The following ADAM28 variants were observed in gnomAD, a reference collection of about 807,000 sequenced individuals.
ADAM28 encodes disintegrin and metalloproteinase domain-containing protein 28.
ADAM28 carries 105 observed loss-of-function variants against 101.2 expected under a neutral mutation model. That is an observed-to-expected ratio of 1.04 (90% CI 0.89 to 1.22). The LOEUF (loss-of-function observed/expected upper bound fraction) is 1.22, where lower values mean the gene tolerates loss of function less well. ADAM28 is among the 50% of genes most tolerant of loss of function. The pLI is 0.00. For missense variants in ADAM28, 1,028 were observed against 945.4 expected, an observed-to-expected ratio of 1.09 and a Z score of -1.15; for synonymous variants, 322 against 310.6, an observed-to-expected ratio of 1.04 and a Z score of -0.39.
intron 5 of ADAM28, among the ~76,000 whole-genome samples, chr8:24,312,068 C>G (rs1295443086): frequency 6.6e-6 from 1 of 152,118 alleles, no homozygotes; most frequent in African/African-American, 2.4e-5. Flanking sequence ...CTCACTCGCT[C>G]TCTCTCTAGA....
rs904541995 is a variant in ADAM28 at position 24,355,233 on chromosome 8, G to A, written c.*829G>A. 2.0e-5 allele frequency: 3 copies of A among 152,272 alleles called. No individual in the cohort carries two copies. The highest frequency in any genetic ancestry group is 2.9e-5 in the Non-Finnish European group (2 of 67,984). The allele number at this position is 152,272 out of a possible 1,614,324, so 9.4% of individuals were successfully genotyped here. On this transcript the variant is annotated 3_prime_UTR_variant, in exon 23 of 23. Coordinates refer to ENST00000265769, the MANE Select transcript of ADAM28 (RefSeq NM_014265.6). ...GTCAGATGTAATCTAAAAGTAATCC[G>A]ATGCTTTGTCAACAACAGACTTACA... is the stretch of plus-strand genomic sequence containing the variant.
intron 8 of ADAM28, among the ~76,000 whole-genome samples, chr8:24,322,277 A>G (rs1309688494): frequency 6.6e-6 from 1 of 151,842 alleles, no homozygotes; most frequent in Non-Finnish European, 1.5e-5. Context: ...GAGATTGTTC[A>G]TTTATATAGC....
intron 6 of ADAM28, among the ~76,000 whole-genome samples, chr8:24,318,149 C>A (rs1811407600): frequency 1.3e-5 from 2 of 151,960 alleles, no homozygotes; most frequent in Admixed American, 1.3e-4. Flanking sequence ...AGTTGGCCAC[C>A]TTTGATTGGC....
chr8:24,308,604 G>T, intron 2 of ADAM28: 1 of 456,160 alleles, frequency 2.2e-6, no homozygotes, highest in Non-Finnish European at 4.4e-6. Flanking sequence ...TGACTATTCT[G>T]CATAACTTTT....
chr8:24,323,452 T>C (rs1812140132), intron 8 of ADAM28, among the ~76,000 whole-genome samples: 1 of 151,978 alleles, frequency 6.6e-6, no homozygotes, highest in African/African-American at 2.4e-5. Flanking sequence ...TTGCTAATTC[T>C]GAAATATTCT....
rs1815878735 is a variant in ADAM28, at chr8:24,349,972, G to A, written c.2099G>A (p.Arg700Lys). 1.9e-6 allele frequency: 3 copies of A among 1,612,968 alleles called. No homozygotes were observed. Among genetic ancestry groups the A allele is most frequent in the Non-Finnish European group, 2.5e-6 (3 of 1,179,314 alleles). The change falls in exon 19 of 23, where the codon AGG (arginine) becomes AAG (lysine). Residue 700 changes from arginine (R) to lysine (K), a missense_variant and splice_region_variant. Physicochemically the swap from Arg to Lys is conservative, Grantham distance 26 (BLOSUM62 2). Transcript: ENST00000265769. ...AGAGAAAAGCAGAAGAAAGATCAGA[G>A]GTGATCCTTTATCTTATCTTGCTGT... Reference protein sequence around the residue: ...SSREKQKKDQRPLSTTGTRPH... With the variant: ...SSREKQKKDQKPLSTTGTRPH...
At chr8:24,342,582 C>T (rs1814909757) in intron 16 of ADAM28, among the ~76,000 whole-genome samples, 1 of 152,134 alleles carries the variant, frequency 6.6e-6, no homozygotes. Context: ...TTTCCTGAAA[C>T]ATATGCTAGC....
At chr8:24,350,864 GTTTTTTTTTTTTT>G (rs35073591) in intron 19 of ADAM28, among the ~76,000 whole-genome samples, 1 of 148,234 alleles carries the variant, frequency 6.7e-6, no homozygotes, top group Non-Finnish European at 1.5e-5. Flanking sequence ...GCACAACGGT[GTTTTTTTTTTTTT>G]TTTTTTTTTT....
Position 24,349,896 on chromosome 8 carries a change from A to C in ADAM28, c.2023A>C (p.Met675Leu). 1 of 1,613,620 alleles carries C rather than the reference A, an allele frequency of 6.2e-7. No individual in the cohort carries two copies. The highest frequency in any genetic ancestry group is 1.1e-5 in the South Asian group (1 of 91,076). ...FSIVVGVLFP[M>L]AVIFVVVAMV... ...CATTGTGGTTGGGGTGCTGTTCCCA[A>C]TGGCGGTCATTTTTGTGGTGGTTGC... Residue 675 changes from methionine to leucine, a missense_variant, in exon 19 of 23, where the codon ATG (methionine) becomes CTG (leucine). Coordinates refer to ENST00000265769, the MANE Select transcript of ADAM28 (RefSeq NM_014265.6).
At chr8:24,332,793 T>C in intron 13 of ADAM28, 44 bp downstream of exon 13, 1 of 1,095,340 alleles carries the variant, frequency 9.1e-7, no homozygotes, top group African/African-American at 1.6e-5. Flanking sequence ...ATTACATTTT[T>C]ATACATTAAC....
At chr8:24,319,955 G>A (rs183734714) in intron 6 of ADAM28, among the ~76,000 whole-genome samples, 214 of 151,980 alleles carry the variant, frequency 1.4e-3, no homozygotes, top group Non-Finnish European at 2.7e-3. Flanking sequence ...CAAAACAATA[G>A]AAAGACTGGT....
At chr8:24,326,515 CA>C in intron 9 of ADAM28, 38 bp from the exon 10 acceptor site, 2 of 1,571,180 alleles carry the variant, frequency 1.3e-6, no homozygotes, top group Non-Finnish European at 1.7e-6. Flanking sequence ...TAGAGCTTAG[CA>C]TTATAATTTG....
At chr8:24,352,227 C>T (rs1816245175) in intron 21 of ADAM28, among the ~76,000 whole-genome samples, 175 bp downstream of exon 21, 1 of 152,124 alleles carries the variant, frequency 6.6e-6, no homozygotes, top group South Asian at 2.1e-4. Context: ...AAAAAATGAA[C>T]ATGTATGTCA....
intron 8 of ADAM28, 200 bp downstream of exon 8, chr8:24,321,489 A>T (rs1410608050): frequency 5.1e-6 from 3 of 587,524 alleles, no homozygotes; most frequent in Non-Finnish European, 9.3e-6. Context: ...CACTTTTCTT[A>T]TTTACCTGCC....
At chr8:24,311,488 A>G (rs377567345) in intron 5 of ADAM28, 51 bp downstream of exon 5, 9 of 1,480,552 alleles carry the variant, frequency 6.1e-6, no homozygotes, top group African/African-American at 4.2e-5. Context: ...GTATTTATGT[A>G]TGTATCTAAC....
chr8:24,349,948 G>A lies in ADAM28; in HGVS notation c.2075G>A (p.Arg692Lys), dbSNP rs1195696758. Residue 692 changes from arginine (R) to lysine (K), a missense_variant, in exon 19 of 23, where the codon AGA (arginine) becomes AAA (lysine). Physicochemically the swap from Arg to Lys is conservative, Grantham distance 26 (BLOSUM62 2). Transcript: ENST00000265769. Reference protein sequence around the residue: ...VAMVIRHQSSREKQKKDQRPL... With the variant: ...VAMVIRHQSSKEKQKKDQRPL... ...ATGGTAATCCGGCACCAGAGCTCCA[G>A]AGAAAAGCAGAAGAAAGATCAGAGG... 1.2e-6 allele frequency: 2 copies of A among 1,613,466 alleles called. No individual in the cohort carries two copies. The highest frequency in any genetic ancestry group is 1.7e-5 in the Admixed American group (1 of 59,962).
chr8:24,324,998 AAGGCACTACTC>A (rs1373302172), intron 9 of ADAM28: 2 of 151,946 alleles, frequency 1.3e-5, no homozygotes, highest in African/African-American at 4.8e-5. Context: ...ATTCAAGGGG[AAGGCACTACTC>A]AGGCTGAGAA....
At position 24,339,400 on chromosome 8, in the gene ADAM28, T is replaced by C. The variant is rs576567053; in HGVS notation, c.1568-66T>C. 4.8e-6 allele frequency: 6 copies of C among 1,239,626 alleles called. No homozygotes were observed. In the South Asian group the frequency reaches 5.5e-5, roughly 11 times the overall value. The allele number at this position is 1,239,626 out of a possible 1,614,324, so 76.8% of individuals were successfully genotyped here. The stretch of plus-strand genomic sequence containing the variant: ...AGCACTGAATCTTTAAAATCTTTTA[T>C]TTTCAAGTATCTCTTGAATCTCAAA... On this transcript the variant is annotated intron_variant, in intron 14 of 22. Coordinates refer to ENST00000265769, the MANE Select transcript of ADAM28 (RefSeq NM_014265.6).
In ADAM28 at chr8:24,323,938, T is replaced by A. The variant is rs143611065; in HGVS notation, c.825T>A (p.Asn275Lys). The A allele has an allele frequency of 1.2e-6, 2 of 1,612,134 alleles. No individual in the cohort carries two copies. The highest frequency in any genetic ancestry group is 1.3e-5 in the African/African-American group (1 of 74,874). The change falls in exon 9 of 23, where the codon AAT becomes AAA. Residue 275 changes from asparagine to lysine, a missense_variant. By Grantham distance (94) the Asn-to-Lys change is moderately conservative. Transcript: ENST00000265769. ...CAAATGCAAGCTTCACCTTGGAGAATTTTTCTAAATGGAGGGGGAGTGTTC... is the reference window on the plus strand; with the variant it reads ...CAAATGCAAGCTTCACCTTGGAGAAATTTTCTAAATGGAGGGGGAGTGTTC... Reference protein sequence around the residue: ...ITPNASFTLENFSKWRGSVLS... With the variant: ...ITPNASFTLEKFSKWRGSVLS...
Sources: allele counts gnomAD v4.1 joint callset (sites outside exome capture counted in the v4.1 genomes callset), GRCh38; gene constraint gnomAD v4.1.1; transcripts MANE v1.5; gene names NCBI Gene and HGNC (gene_info 2026-07-23, HGNC 2026-07-21).